ADAMTS18: variants seen among roughly 807,000 people sequenced by gnomAD.
ADAMTS18 encodes the protein A disintegrin and metalloproteinase with thrombospondin motifs 18.
In ADAMTS18, 157 loss-of-function variants were observed where a neutral mutation model predicts 165.9. The ratio of observed to expected loss-of-function variants is 0.95; its 90% CI spans 0.83 to 1.08. ADAMTS18 has a LOEUF of 1.08. ADAMTS18 is among the 50% of genes least tolerant of loss of function. ADAMTS18 has a pLI of 0.00. For missense variants in ADAMTS18, 2,040 were observed against 1,534.0 expected (o/e 1.33, Z -5.51); for synonymous variants, 782 against 578.2 (o/e 1.35, Z -5.06).
intron 11 of ADAMTS18, among the ~76,000 whole-genome samples, chr16:77,336,647 G>C (rs533333107): frequency 1.3e-5 from 2 of 152,298 alleles, no homozygotes; most frequent in South Asian, 2.1e-4. Flanking sequence ...ATCTGTACAA[G>C]CTAGATGGAG....
chr16:77,317,114 T>A (rs568438819), intron 16 of ADAMTS18, among the ~76,000 whole-genome samples: 1 of 152,298 alleles, frequency 6.6e-6, no homozygotes, highest in South Asian at 2.1e-4. Flanking sequence ...TCTGTTTTTT[T>A]ATCTCATACT....
chr16:77,352,061 C>A (rs1173878198), intron 10 of ADAMTS18, among the ~76,000 whole-genome samples: 1 of 152,066 alleles, frequency 6.6e-6, no homozygotes, highest in Non-Finnish European at 1.5e-5. Context: ...AGAAGGCTCA[C>A]CAGCATTTCT....
chr16:77,304,543 T>C (rs1182438527), intron 16 of ADAMTS18, among the ~76,000 whole-genome samples: 1 of 152,238 alleles, frequency 6.6e-6, no homozygotes, highest in African/African-American at 2.4e-5. Context: ...TTACACTGTG[T>C]TTCCCACATC....
intron 3 of ADAMTS18, among the ~76,000 whole-genome samples, chr16:77,400,080 A>T (rs1045049072): frequency 2.6e-5 from 4 of 152,118 alleles, no homozygotes; most frequent in African/African-American, 9.7e-5. Context: ...AAGCTAATAC[A>T]ATTTAAAATG....
In ADAMTS18 at chr16:77,335,876, A is replaced by C. The variant is rs773493388; in HGVS notation, c.1739T>G (p.Phe580Cys). Residue 580 changes from phenylalanine to cysteine, a missense_variant, in exon 12 of 23, where the codon TTT (phenylalanine) becomes TGT (cysteine). Coordinates refer to ENST00000282849, the MANE Select transcript of ADAMTS18 (RefSeq NM_199355.4). Reference sequence around the variant, plus strand: ...GATGGGCCGGGGCCCGAGCTCCCCAAACTTTACGCACTGGCCTTGCCGACA... The same window carrying C: ...GATGGGCCGGGGCCCGAGCTCCCCACACTTTACGCACTGGCCTTGCCGACA... ...MWCRQGQCVK[F>C]GELGPRPIHG... 1.9e-6 allele frequency: 3 copies of C among 1,614,218 alleles called. No homozygotes were observed. The highest frequency in any genetic ancestry group is 2.7e-5 in the African/African-American group (2 of 75,058).
At chr16:77,299,977 T>C in intron 17 of ADAMTS18, 1 of 253,934 alleles carries the variant, frequency 3.9e-6, no homozygotes, top group Admixed American at 4.9e-5. Flanking sequence ...TAAATATGCT[T>C]CTATTTGTAA....
intron 12 of ADAMTS18, among the ~76,000 whole-genome samples, chr16:77,331,410 T>C (rs1036660225): frequency 3.3e-5 from 5 of 152,196 alleles, no homozygotes; most frequent in Non-Finnish European, 7.3e-5. Context: ...ACTTAAGACA[T>C]GGCTGCATTC....
At chr16:77,421,324 G>A (rs1270564624) in intron 3 of ADAMTS18, among the ~76,000 whole-genome samples, 1 of 152,200 alleles carries the variant, frequency 6.6e-6, no homozygotes, top group Non-Finnish European at 1.5e-5. Flanking sequence ...AGAAAACCGT[G>A]GGAACGGGCT....
Position 77,291,582 on chromosome 16 carries a change from G to A in ADAMTS18, c.3190-104C>T, listed in dbSNP as rs542369126. 6 of 1,148,182 alleles carry A rather than the reference G, an allele frequency of 5.2e-6. No individual in the cohort carries two copies. In the African/African-American group the frequency reaches 9.0e-5, roughly 17 times the overall value. The allele number at this position is 1,148,182 out of a possible 1,614,324, so 71.1% of individuals were successfully genotyped here. ...TTGCACCATCCACATGAAATAGGAG[G>A]GATGGGATTACACAAGGTCAACCAC... On this transcript the variant is annotated intron_variant, in intron 20 of 22. Transcript: ENST00000282849.
intron 19 of ADAMTS18, among the ~76,000 whole-genome samples, chr16:77,293,817 C>G (rs1472905095): frequency 6.7e-6 from 1 of 150,192 alleles, no homozygotes; most frequent in Non-Finnish European, 1.5e-5. Context: ...CTCTGAGAAC[C>G]TAACGCTGCC....
intron 3 of ADAMTS18, among the ~76,000 whole-genome samples, chr16:77,388,531 G>A (rs143505326): frequency 2.6e-3 from 389 of 152,242 alleles, no homozygotes; most frequent in African/African-American, 8.8e-3. Context: ...CTTGTAAGGC[G>A]TGTGAACTTG....
chr16:77,370,742 C>T (rs982929059), intron 3 of ADAMTS18, among the ~76,000 whole-genome samples: 2 of 150,960 alleles, frequency 1.3e-5, no homozygotes, highest in Non-Finnish European at 2.9e-5. Flanking sequence ...AAGAGCAAAA[C>T]TCTGTCTCAA....
intron 12 of ADAMTS18, among the ~76,000 whole-genome samples, chr16:77,331,473 A>G (rs564454633): frequency 1.3e-5 from 2 of 152,190 alleles, no homozygotes; most frequent in African/African-American, 4.8e-5. Flanking sequence ...GGAGATACTA[A>G]AACAACATCA....
At chr16:77,423,998 G>C (rs1303815303) in intron 3 of ADAMTS18, among the ~76,000 whole-genome samples, 1 of 152,188 alleles carries the variant, frequency 6.6e-6, no homozygotes, top group Non-Finnish European at 1.5e-5. Context: ...ATCAAGCATG[G>C]AGCTTCCACC....
At chr16:77,296,016 G>GTC (rs934092821) in intron 18 of ADAMTS18, among the ~76,000 whole-genome samples, 1 of 147,214 alleles carries the variant, frequency 6.8e-6, no homozygotes, top group Non-Finnish European at 1.5e-5. Flanking sequence ...AAGTGTGTGT[G>GTC]TGTATATATA....
chr16:77,323,004 G>GA (rs1033821892), intron 13 of ADAMTS18, among the ~76,000 whole-genome samples: 3 of 151,456 alleles, frequency 2.0e-5, no homozygotes, highest in South Asian at 2.1e-4. Flanking sequence ...AACATATAGA[G>GA]AAAAAAAACC....
At chr16:77,430,409 C>G (rs993048966) in intron 3 of ADAMTS18, among the ~76,000 whole-genome samples, 2 of 152,164 alleles carry the variant, frequency 1.3e-5, no homozygotes, top group Non-Finnish European at 2.9e-5. Flanking sequence ...CACCCGTACC[C>G]AAGCCACCCC....
intron 16 of ADAMTS18, among the ~76,000 whole-genome samples, chr16:77,307,108 T>G (rs1000032791): frequency 2.0e-5 from 3 of 152,240 alleles, no homozygotes; most frequent in Admixed American, 6.5e-5. Context: ...CTTGATCTCC[T>G]CAATCAATTT....
At chr16:77,291,163 T>G in intron 21 of ADAMTS18, 103 bp downstream of exon 21, 1 of 1,325,684 alleles carries the variant, frequency 7.5e-7, no homozygotes, top group Non-Finnish European at 1.1e-6. Context: ...TTAGTTGTTT[T>G]TACTTAGACA....
Sources: allele counts gnomAD v4.1 joint callset (sites outside exome capture counted in the v4.1 genomes callset), GRCh38; gene constraint gnomAD v4.1.1; transcripts MANE v1.5; gene names NCBI Gene and HGNC (gene_info 2026-07-23, HGNC 2026-07-21).